Variants in SEMA5A observed in about 807,000 individuals in gnomAD.
The protein encoded by SEMA5A is semaphorin 5A, also known as semaphorin-5A.
In SEMA5A, 55 loss-of-function variants were observed where a neutral mutation model predicts 135.5. The ratio of observed to expected loss-of-function variants is 0.41; its 90% CI spans 0.33 to 0.51. The LOEUF (loss-of-function observed/expected upper bound fraction) is 0.51, where lower values mean the gene tolerates loss of function less well. Ranked by LOEUF, SEMA5A falls within the 20% of genes least tolerant of loss-of-function variation. SEMA5A has a pLI of 0.37. For synonymous variants in SEMA5A, 580 were observed against 546.5 expected (o/e 1.06, Z -0.85); for missense variants, 1,290 against 1,419.9 (o/e 0.91, Z 1.47).
chr5:9,081,570 TC>T (rs1290500794), intron 16 of SEMA5A, among the ~76,000 whole-genome samples: 2 of 152,194 alleles, frequency 1.3e-5, no homozygotes, highest in African/African-American at 4.8e-5. Context: ...TGAAAAAGTT[TC>T]AGTTAAAAAA....
chr5:9,127,429 C>T (rs769899229), intron 13 of SEMA5A, among the ~76,000 whole-genome samples: 45 of 152,184 alleles, frequency 3.0e-4, no homozygotes, highest in Non-Finnish European at 8.8e-5. Flanking sequence ...TAGGCATTCC[C>T]TCTGAAGCAC....
rs138343991 is a variant in SEMA5A at position 9,154,671 on chromosome 5, C to T, written c.1298G>A (p.Arg433Gln). 6.8e-5 allele frequency: 110 copies of T among 1,613,990 alleles called. 1 individual carries two copies. Among genetic ancestry groups the T allele is most frequent in the East Asian group, 2.2e-4 (10 of 44,834 alleles). Residue 433 changes from arginine (R) to glutamine (Q), a missense_variant, in exon 12 of 23, where the codon CGG (arginine) becomes CAG (glutamine). Physicochemically the swap from Arg to Gln is conservative, Grantham distance 43 (BLOSUM62 1). This residue lies in a region of SEMA5A where 1,029 missense variants were observed against 1,086.6 expected (regional missense o/e 0.95). Coordinates refer to ENST00000382496, the MANE Select transcript of SEMA5A (RefSeq NM_003966.3). ...ATDYGTIKKV[R>Q]VPLNQTSSSC... ...GCTTGAGGTCTGATTCAGGGGTACC[C>T]GCACTTTCTTAATGGTTCCGTAATC...
At chr5:9,259,647 G>A (rs975154049) in intron 5 of SEMA5A, among the ~76,000 whole-genome samples, 2 of 151,562 alleles carry the variant, frequency 1.3e-5, no homozygotes, top group African/African-American at 2.4e-5. Flanking sequence ...TGACTACTGG[G>A]TACATAACGA....
chr5:9,541,051 G>A (rs1017469432), intron 1 of SEMA5A, among the ~76,000 whole-genome samples: 10 of 152,126 alleles, frequency 6.6e-5, no homozygotes, highest in African/African-American at 2.4e-4. Flanking sequence ...CTTTCCATGA[G>A]TACATCATAC....
intron 5 of SEMA5A, among the ~76,000 whole-genome samples, chr5:9,301,113 A>C (rs1385644593): frequency 2.0e-5 from 3 of 152,222 alleles, no homozygotes; most frequent in Non-Finnish European, 4.4e-5. Flanking sequence ...ACTTCAGAAA[A>C]ACTTTGACAA....
chr5:9,048,851 G>GT (rs1303689297), intron 21 of SEMA5A, among the ~76,000 whole-genome samples: 1 of 152,188 alleles, frequency 6.6e-6, no homozygotes, highest in Admixed American at 6.5e-5. Flanking sequence ...TATGTGAACT[G>GT]TTTGCATATT....
chr5:9,047,863 A>G (rs1183247062), intron 21 of SEMA5A, among the ~76,000 whole-genome samples: 1 of 152,200 alleles, frequency 6.6e-6, no homozygotes, highest in Non-Finnish European at 1.5e-5. Context: ...GCTGGTTCAG[A>G]CACACAGGAG....
intron 16 of SEMA5A, among the ~76,000 whole-genome samples, chr5:9,088,292 G>C (rs538151699): frequency 7.6e-6 from 1 of 132,416 alleles, no homozygotes; most frequent in South Asian, 2.5e-4. Context: ...AACAGAGTGA[G>C]ACTCCATCTC....
At chr5:9,387,731 G>A (rs1287714158) in intron 2 of SEMA5A, among the ~76,000 whole-genome samples, 2 of 152,268 alleles carry the variant, frequency 1.3e-5, no homozygotes, top group South Asian at 2.1e-4. Context: ...ATAAACTTAA[G>A]TTAATGCAAT....
intron 5 of SEMA5A, among the ~76,000 whole-genome samples, chr5:9,246,136 T>C (rs1026477909): frequency 4.6e-5 from 7 of 152,152 alleles, no homozygotes; most frequent in Non-Finnish European, 1.0e-4. Context: ...ACTTCTTGGT[T>C]GCAGGGTTTT....
intron 5 of SEMA5A, among the ~76,000 whole-genome samples, chr5:9,283,157 A>C (rs1300711852): frequency 6.6e-6 from 1 of 152,202 alleles, no homozygotes; most frequent in East Asian, 1.9e-4. Context: ...TTTGCTGTCT[A>C]ATAAATTGCC....
chr5:9,094,224 T>G (rs1367884907), intron 16 of SEMA5A, among the ~76,000 whole-genome samples: 1 of 152,212 alleles, frequency 6.6e-6, no homozygotes, highest in Non-Finnish European at 1.5e-5. Context: ...AGATGAAAGA[T>G]CTGAAAATTC....
intron 2 of SEMA5A, among the ~76,000 whole-genome samples, chr5:9,416,808 T>C (rs1335878865): frequency 3.3e-5 from 5 of 152,202 alleles, no homozygotes; most frequent in African/African-American, 1.2e-4. Flanking sequence ...TACGGGTATC[T>C]GTCAATAGAG....
At chr5:9,386,628 G>A (rs1755903835) in intron 2 of SEMA5A, among the ~76,000 whole-genome samples, 1 of 152,214 alleles carries the variant, frequency 6.6e-6, no homozygotes, top group Non-Finnish European at 1.5e-5. Flanking sequence ...ACCAGCCACA[G>A]CGGCAGCTCC....
In SEMA5A at chr5:9,346,735, C is replaced by T. The variant is rs149848618; in HGVS notation, c.125-8923G>A. On this transcript the variant is annotated intron_variant, in intron 3 of 22. Transcript: ENST00000382496. ...CGTGTGTGCACTCCATTTCCGGCCTCGTTTGCACACTCCCTCCCACAGGAG... is the reference window on the plus strand; with the variant it reads ...CGTGTGTGCACTCCATTTCCGGCCTTGTTTGCACACTCCCTCCCACAGGAG... Among the ~76,000 whole-genome samples, 206 of 152,264 alleles carry T rather than the reference C, an allele frequency of 1.4e-3. 1 individual carries two copies. Among genetic ancestry groups the T allele is most frequent in the African/African-American group, 4.7e-3 (194 of 41,552 alleles).
chr5:9,405,150 A>AAAAAAAC (rs1756825083), intron 2 of SEMA5A, among the ~76,000 whole-genome samples: 1 of 152,250 alleles, frequency 6.6e-6, no homozygotes, highest in Non-Finnish European at 1.5e-5. Flanking sequence ...AACAAGAAAC[A>AAAAAAAC]AAATAGGTTG....
chr5:9,413,926 G>A (rs955279587), intron 2 of SEMA5A, among the ~76,000 whole-genome samples: 1 of 152,092 alleles, frequency 6.6e-6, no homozygotes, highest in African/African-American at 2.4e-5. Context: ...CACAAGCCAG[G>A]CATGTATCAA....
chr5:9,326,465 G>A (rs1752879957), intron 4 of SEMA5A, among the ~76,000 whole-genome samples: 1 of 152,074 alleles, frequency 6.6e-6, no homozygotes, highest in South Asian at 2.1e-4. Flanking sequence ...TGTTGGCCAG[G>A]CTGGTCTTGA....
chr5:9,202,842 T>A (rs1323515124), intron 8 of SEMA5A, among the ~76,000 whole-genome samples: 1 of 152,218 alleles, frequency 6.6e-6, no homozygotes, highest in African/African-American at 2.4e-5. Context: ...ATGGTGACCA[T>A]GGAATAGTGA....
Sources: allele counts gnomAD v4.1 joint callset (sites outside exome capture counted in the v4.1 genomes callset), GRCh38; gene constraint gnomAD v4.1.1; regional missense constraint gnomAD v4.1.1; transcripts MANE v1.5; gene names NCBI Gene and HGNC (gene_info 2026-07-23, HGNC 2026-07-21).